Variants in DPP10 observed in about 807,000 individuals in gnomAD.
DPP10 encodes dipeptidyl peptidase like 10.
In DPP10, 33 loss-of-function variants were observed where a neutral mutation model predicts 120.9. That is an observed-to-expected ratio of 0.27 (90% confidence interval 0.21 to 0.37). The LOEUF is 0.37. Among genes scored for constraint, DPP10 ranks in the 10% least tolerant of loss-of-function variants. The probability of loss-of-function intolerance (pLI) is 1.00; values close to 1 mark genes in which losing one functional copy is unlikely to be tolerated. For synonymous variants in DPP10, 337 were observed against 326.1 expected, an observed-to-expected ratio of 1.03 and a Z score of -0.36; for missense variants, 816 against 942.8, an observed-to-expected ratio of 0.87 and a Z score of 1.76.
intron 1 of DPP10, among the ~76,000 whole-genome samples, chr2:114,726,705 A>T (rs1558676433): frequency 6.6e-6 from 1 of 152,230 alleles, no homozygotes; most frequent in Non-Finnish European, 1.5e-5. Flanking sequence ...ATCATTGGGC[A>T]TGTCAATAGC....
At position 115,814,866 on chromosome 2, in the gene DPP10, G is replaced by A. The variant is rs751272336; in HGVS notation, c.1774G>A (p.Asp592Asn). ...IDWDSVLIDMDNVIVARFDGR... is the reference protein window; with the variant it reads ...IDWDSVLIDMNNVIVARFDGR... ...CTGGGATTCCGTACTCATTGACATG[G>A]ATAATGTCATTGTAGCAAGATTTGA... Residue 592 changes from aspartate to asparagine, a missense_variant, in exon 20 of 26, where the codon GAT becomes AAT. Coordinates refer to ENST00000410059, the MANE Select transcript of DPP10 (RefSeq NM_020868.6). The A allele has an allele frequency of 1.2e-6, 2 of 1,610,762 alleles. No individual in the cohort carries two copies. Among genetic ancestry groups the A allele is most frequent in the Non-Finnish European group, 8.5e-7 (1 of 1,177,712 alleles).
At chr2:114,721,261 G>A (rs1019772742) in intron 1 of DPP10, among the ~76,000 whole-genome samples, 2 of 152,260 alleles carry the variant, frequency 1.3e-5, no homozygotes, top group Admixed American at 6.5e-5. Context: ...TTTGCTGAGA[G>A]GGTGCTTTGA....
chr2:115,471,682 G>T (rs1467753701), intron 3 of DPP10, among the ~76,000 whole-genome samples: 3 of 151,848 alleles, frequency 2.0e-5, no homozygotes, highest in Non-Finnish European at 4.4e-5. Flanking sequence ...TACCTCACTG[G>T]CTCAAGCGAT....
chr2:114,900,144 G>A (rs184865668), intron 1 of DPP10, among the ~76,000 whole-genome samples: 2 of 152,260 alleles, frequency 1.3e-5, no homozygotes, highest in African/African-American at 4.8e-5. Context: ...TAACATTTTT[G>A]TGATAGTCAA....
chr2:114,823,434 G>T (rs558256760), intron 1 of DPP10, among the ~76,000 whole-genome samples: 1 of 152,266 alleles, frequency 6.6e-6, no homozygotes, highest in South Asian at 2.1e-4. Context: ...TGGAGGCACA[G>T]CCAAAACATA....
At chr2:114,729,732 ATTG>A (rs1169101877) in intron 1 of DPP10, among the ~76,000 whole-genome samples, 2 of 152,200 alleles carry the variant, frequency 1.3e-5, no homozygotes, top group Non-Finnish European at 2.9e-5. Flanking sequence ...TATAGAGACT[ATTG>A]TTGTGATCTG....
chr2:115,132,325 C>T lies in DPP10; in HGVS notation c.61-176914C>T, dbSNP rs372306239. ...TTTTGGGAACTTGAAAGTTTTCAGA[C>T]TCTTACTTAATCTTTTCTAGATCTG... On this transcript the variant is annotated intron_variant, in intron 1 of 25. Coordinates refer to ENST00000410059, the MANE Select transcript of DPP10 (RefSeq NM_020868.6). 5.3e-4 allele frequency among the ~76,000 whole-genome samples: 81 copies of T among 152,152 alleles called. 1 individual carries two copies. The highest frequency in any genetic ancestry group is 1.2e-3 in the African/African-American group (51 of 41,510).
chr2:114,587,388 A>G (rs1227294249), intron 1 of DPP10, among the ~76,000 whole-genome samples: 3 of 152,056 alleles, frequency 2.0e-5, no homozygotes, highest in Non-Finnish European at 4.4e-5. Context: ...TAGCAACACA[A>G]AATGGACTAA....
chr2:114,905,957 T>A (rs1693925817), intron 1 of DPP10, among the ~76,000 whole-genome samples: 1 of 152,248 alleles, frequency 6.6e-6, no homozygotes, highest in African/African-American at 2.4e-5. Context: ...TAGGATATTC[T>A]GTATATATAA....
intron 1 of DPP10, among the ~76,000 whole-genome samples, chr2:114,488,948 C>T (rs1681751278): frequency 6.6e-6 from 1 of 152,194 alleles, no homozygotes; most frequent in Non-Finnish European, 1.5e-5. Flanking sequence ...CACTTTAAAT[C>T]AGCCTCAGAT....
chr2:115,206,281 G>A (rs974139662), intron 1 of DPP10, among the ~76,000 whole-genome samples: 5 of 152,052 alleles, frequency 3.3e-5, no homozygotes, highest in African/African-American at 1.2e-4. Flanking sequence ...TGTACCATAC[G>A]CCTCCAGAAA....
chr2:114,871,314 T>G (rs1690672284), intron 1 of DPP10, among the ~76,000 whole-genome samples: 1 of 152,174 alleles, frequency 6.6e-6, no homozygotes, highest in African/African-American at 2.4e-5. Flanking sequence ...AATCAAGAAT[T>G]TTTTAAAAAA....
At chr2:114,939,336 T>C (rs1558900357) in intron 1 of DPP10, among the ~76,000 whole-genome samples, 1 of 152,078 alleles carries the variant, frequency 6.6e-6, no homozygotes, top group African/African-American at 2.4e-5. Context: ...CAGTGCTATT[T>C]ACAAAATAAT....
intron 1 of DPP10, among the ~76,000 whole-genome samples, chr2:114,611,958 C>T (rs1693317135): frequency 6.6e-6 from 1 of 151,912 alleles, no homozygotes; most frequent in African/African-American, 2.4e-5. Flanking sequence ...TAATTTTGTT[C>T]TCTCCATTTC....
At chr2:115,336,611 ATAT>A (rs1267817049) in intron 2 of DPP10, among the ~76,000 whole-genome samples, 1 of 150,468 alleles carries the variant, frequency 6.6e-6, no homozygotes. Context: ...ATATATATAT[ATAT>A]AATTGTGCCT....
intron 1 of DPP10, among the ~76,000 whole-genome samples, chr2:115,226,655 C>T (rs906952083): frequency 3.9e-5 from 6 of 152,132 alleles, no homozygotes; most frequent in African/African-American, 1.4e-4. Flanking sequence ...TTATTGAGCA[C>T]TTCTATGTAT....
intron 1 of DPP10, among the ~76,000 whole-genome samples, chr2:115,172,454 G>A (rs921925808): frequency 6.6e-6 from 1 of 151,684 alleles, no homozygotes; most frequent in Non-Finnish European, 1.5e-5. Context: ...AGAGCACCAA[G>A]TTCCAATACA....
At chr2:114,530,047 G>A (rs1281056467) in intron 1 of DPP10, among the ~76,000 whole-genome samples, 1 of 152,130 alleles carries the variant, frequency 6.6e-6, no homozygotes, top group African/African-American at 2.4e-5. Context: ...TGCACAGTAG[G>A]AAATGTTACA....
chr2:115,839,178 A>G (rs1689829934), intron 24 of DPP10, among the ~76,000 whole-genome samples: 1 of 152,204 alleles, frequency 6.6e-6, no homozygotes, highest in African/African-American at 2.4e-5. Flanking sequence ...CTTATGTAGC[A>G]ATGACAAGGT....
Sources: gnomAD v4.1 joint callset for allele counts (sites outside exome capture counted in the v4.1 genomes callset) on GRCh38, gnomAD v4.1.1 for gene constraint, MANE v1.5 for transcripts, NCBI Gene and HGNC (gene_info 2026-07-23, HGNC 2026-07-21) for gene names.